EIF4G3: variants seen among roughly 807,000 people sequenced by gnomAD.
The protein encoded by EIF4G3 is eIF-4-gamma 3.
EIF4G3 carries 34 observed loss-of-function variants against 186.4 expected under a neutral mutation model. The observed-to-expected ratio is 0.18, with a 90% CI of 0.14 to 0.24. The LOEUF is 0.24. Among genes scored for constraint, EIF4G3 ranks in the 10% least tolerant of loss-of-function variants. The probability of loss-of-function intolerance (pLI) is 1.00; values close to 1 mark genes in which losing one functional copy is unlikely to be tolerated. For synonymous variants in EIF4G3, 673 were observed against 679.5 expected (o/e 0.99, Z 0.15); for missense variants, 1,536 against 1,948.5 (o/e 0.79, Z 3.99).
intron 10 of EIF4G3, among the ~76,000 whole-genome samples, chr1:20,973,933 A>G (rs1052486711): frequency 6.6e-6 from 1 of 152,084 alleles, no homozygotes; most frequent in African/African-American, 2.4e-5. Flanking sequence ...CAAATACTGG[A>G]TGGTTTGAGG....
At chr1:21,152,327 AC>A (rs1162907325) in intron 2 of EIF4G3, among the ~76,000 whole-genome samples, 1 of 64,824 alleles carries the variant, frequency 1.5e-5, no homozygotes, top group African/African-American at 5.6e-5. Flanking sequence ...ACAGAGCGAG[AC>A]CCTGTCTCTA....
At chr1:21,145,206 A>C (rs1374970004) in intron 2 of EIF4G3, among the ~76,000 whole-genome samples, 1 of 152,184 alleles carries the variant, frequency 6.6e-6, no homozygotes, top group Non-Finnish European at 1.5e-5. Context: ...ACAACTTGTA[A>C]GGTATCATCA....
chr1:20,815,583 G>A (rs1193681380), intron 34 of EIF4G3, among the ~76,000 whole-genome samples: 5 of 151,780 alleles, frequency 3.3e-5, no homozygotes, highest in African/African-American at 9.7e-5. Flanking sequence ...CCCTCCGTCC[G>A]GCAGCCACCC....
chr1:20,859,329 G>C (rs183844855), intron 24 of EIF4G3, among the ~76,000 whole-genome samples: 4 of 152,274 alleles, frequency 2.6e-5, no homozygotes, highest in African/African-American at 9.6e-5. Context: ...CTAGGTACTA[G>C]AGCGAGGAAG....
At chr1:20,919,247 C>T (rs1470371443) in intron 14 of EIF4G3, among the ~76,000 whole-genome samples, 1 of 152,086 alleles carries the variant, frequency 6.6e-6, no homozygotes, top group African/African-American at 2.4e-5. Context: ...CTCACTTAGT[C>T]GCCCAGGCTG....
intron 4 of EIF4G3, among the ~76,000 whole-genome samples, chr1:21,022,153 C>T (rs941708189): frequency 2.0e-5 from 3 of 152,104 alleles, no homozygotes; most frequent in African/African-American, 7.2e-5. Context: ...AATTTAAAGG[C>T]TATCTTCTTT....
chr1:21,009,228 T>TA (rs1190437958), intron 4 of EIF4G3, among the ~76,000 whole-genome samples: 4 of 152,212 alleles, frequency 2.6e-5, no homozygotes, highest in Admixed American at 2.6e-4. Context: ...TCACCTACGC[T>TA]AAAGTGCAGT....
chr1:20,925,891 A>G (rs1287277874), intron 14 of EIF4G3, among the ~76,000 whole-genome samples: 2 of 152,206 alleles, frequency 1.3e-5, no homozygotes, highest in African/African-American at 4.8e-5. Flanking sequence ...TACATGCATG[A>G]ATTCTGGAAT....
Position 20,950,127 on chromosome 1 carries a change from CA to C in EIF4G3, c.715-17del, listed in dbSNP as rs765990109. On this transcript the variant is annotated splice_polypyrimidine_tract_variant and intron_variant, in intron 12 of 36. Coordinates refer to ENST00000602326, the MANE Select transcript of EIF4G3 (RefSeq NM_001391906.1). Reference sequence around the variant, plus strand: ...TGGGCAGCTGCTGGGATTTGAAGTACAAAAAAGGGTGATAATGAGCGTGCGA... The same window carrying C: ...TGGGCAGCTGCTGGGATTTGAAGTACAAAAAGGGTGATAATGAGCGTGCGA... 4 of 1,553,540 alleles carry C rather than the reference CA, an allele frequency of 2.6e-6. No individual in the cohort carries two copies. In the South Asian group the frequency reaches 4.9e-5, roughly 19 times the overall value.
At chr1:20,868,065 G>A (rs2078019938) in intron 20 of EIF4G3, among the ~76,000 whole-genome samples, 2 of 138,210 alleles carry the variant, frequency 1.4e-5, no homozygotes, top group Non-Finnish European at 1.5e-5. Flanking sequence ...CATATCCTCT[G>A]AGAATAGTGA....
Position 21,176,377 on chromosome 1 carries a change from T to C in EIF4G3, c.-455-19A>G. 1 of 254,338 alleles carries C rather than the reference T, an allele frequency of 3.9e-6. No individual in the cohort carries two copies. The allele number at this position is 254,338 out of a possible 1,614,324, so 15.8% of individuals were successfully genotyped here. A position where few individuals can be genotyped will look rare whatever the true frequency, so the allele number is the denominator to read the frequency against. On this transcript the variant is annotated intron_variant, in intron 1 of 36. Transcript: ENST00000602326. ...GCTGTGCCTGATTTCAGAGCCGGTT[T>C]CTGCGGTAAACTCATGGCAAAGCGA...
intron 2 of EIF4G3, among the ~76,000 whole-genome samples, chr1:21,147,868 T>C (rs1482156943): frequency 6.6e-6 from 1 of 152,168 alleles, no homozygotes; most frequent in African/African-American, 2.4e-5. Flanking sequence ...TGAAAATATG[T>C]ACATGTATTA....
At chr1:20,903,575 G>A (rs1384833445) in intron 15 of EIF4G3, among the ~76,000 whole-genome samples, 2 of 152,164 alleles carry the variant, frequency 1.3e-5, no homozygotes, top group Non-Finnish European at 2.9e-5. Context: ...CAAAAGGAGT[G>A]CAATGACTAT....
Position 20,810,123 on chromosome 1 carries a change from C to G in EIF4G3, c.4744+615G>C. Among the ~76,000 whole-genome samples, 1 of 151,366 alleles carries G rather than the reference C, an allele frequency of 6.6e-6. No individual in the cohort carries two copies. Among genetic ancestry groups the G allele is most frequent in the Non-Finnish European group, 1.5e-5 (1 of 67,902 alleles). ...GTAGCTGTAGCTGGGACTACAGGCACATGCCACCACACCTAGCCAATTTTT... is the reference window on the plus strand; with the variant it reads ...GTAGCTGTAGCTGGGACTACAGGCAGATGCCACCACACCTAGCCAATTTTT... On this transcript the variant is annotated intron_variant, in intron 36 of 36. Coordinates refer to ENST00000602326, the MANE Select transcript of EIF4G3 (RefSeq NM_001391906.1). This position sits in a 1 kb window ranked among gnomAD's most constrained non-coding sequence, Gnocchi z 4.1.
At chr1:20,900,063 T>G in intron 15 of EIF4G3, 120 bp from the exon 16 acceptor site, 1 of 1,045,914 alleles carries the variant, frequency 9.6e-7, no homozygotes, top group African/African-American at 1.6e-5. Flanking sequence ...TAAGAATGTC[T>G]GTGTTCAGCA....
intron 15 of EIF4G3, 90 bp downstream of exon 15, chr1:20,904,793 G>T: frequency 1.2e-6 from 1 of 860,748 alleles, no homozygotes; most frequent in Non-Finnish European, 1.7e-6. Context: ...AGTTTTGCTT[G>T]GAAAACTATT....
intron 4 of EIF4G3, among the ~76,000 whole-genome samples, chr1:21,043,125 G>A (rs1214298467): frequency 6.6e-6 from 1 of 152,086 alleles, no homozygotes; most frequent in Non-Finnish European, 1.5e-5. Context: ...GGTAGCCAGA[G>A]AAATAAACAA....
Position 20,864,676 on chromosome 1 carries a change from C to T in EIF4G3, c.2806G>A (p.Glu936Lys). Residue 936 changes from glutamate (E) to lysine (K), a missense_variant, in exon 22 of 37, where the codon GAA (glutamate) becomes AAA (lysine). By Grantham distance (56) the Glu-to-Lys change is moderately conservative (BLOSUM62 1). Transcript: ENST00000602326. ...CTCCGCCGGGCTTTGTCCTTGGCTT[C>T]TTCCAGTTCATCATGAAGCCTTGTC... Reference protein sequence around the residue: ...ERTRLHDELEEAKDKARRRSI... With the variant: ...ERTRLHDELEKAKDKARRRSI... The T allele has an allele frequency of 6.2e-7, 1 of 1,614,160 alleles. No homozygotes were observed. Among genetic ancestry groups the T allele is most frequent in the Non-Finnish European group, 8.5e-7 (1 of 1,180,018 alleles).
At chr1:20,985,594 T>C (rs1211553127) in intron 7 of EIF4G3, among the ~76,000 whole-genome samples, 1 of 152,128 alleles carries the variant, frequency 6.6e-6, no homozygotes, top group Non-Finnish European at 1.5e-5. Context: ...GATTTAATAG[T>C]AATGCAAGAA....
Sources: gnomAD v4.1 joint callset for allele counts (sites outside exome capture counted in the v4.1 genomes callset) on GRCh38, gnomAD v4.1.1 for gene constraint, Gnocchi (gnomAD v3.1) non-coding constraint, MANE v1.5 for transcripts, NCBI Gene and HGNC (gene_info 2026-07-23, HGNC 2026-07-21) for gene names.